WNK1: variants seen among roughly 807,000 people sequenced by gnomAD.
WNK1 encodes WNK lysine deficient protein kinase 1, also known as serine/threonine-protein kinase WNK1.
WNK1 carries 38 observed loss-of-function variants against 222.8 expected under a neutral mutation model. The observed-to-expected ratio is 0.17, with a 90% CI of 0.13 to 0.22. The LOEUF (loss-of-function observed/expected upper bound fraction) is 0.22. Among genes scored for constraint, WNK1 ranks in the 10% least tolerant of loss-of-function variants. The probability of loss-of-function intolerance (pLI) is 1.00; values close to 1 mark genes in which losing one functional copy is unlikely to be tolerated. For missense variants in WNK1, 2,348 were observed against 2,918.4 expected (o/e 0.80, Z 4.50); for synonymous variants, 1,090 against 1,092.9 (o/e 1.00, Z 0.05).
chr12:839,936 C>CA (rs1949492275), intron 4 of WNK1, among the ~76,000 whole-genome samples: 2 of 149,092 alleles, frequency 1.3e-5, no homozygotes, highest in Non-Finnish European at 3.0e-5. Context: ...CCATGTTGGC[C>CA]ATGCTGCTCT....
intron 6 of WNK1, among the ~76,000 whole-genome samples, chr12:860,582 T>C (rs1449275759): frequency 1.3e-5 from 2 of 152,222 alleles, no homozygotes; most frequent in Non-Finnish European, 2.9e-5. Context: ...AATCTTCATA[T>C]TCGTACCACA....
chr12:793,577 C>T (rs1404332433), intron 1 of WNK1, among the ~76,000 whole-genome samples: 1 of 152,160 alleles, frequency 6.6e-6, no homozygotes, highest in Non-Finnish European at 1.5e-5. Context: ...GGTTTTAGAA[C>T]TGTCTTCCCT....
In WNK1 at chr12:754,331, C is replaced by G; in HGVS notation, c.759+7C>G. The G allele has an allele frequency of 6.2e-7, 1 of 1,611,846 alleles. No individual in the cohort carries two copies. Among genetic ancestry groups the G allele is most frequent in the Non-Finnish European group, 8.5e-7 (1 of 1,179,758 alleles). ...CGCCTGGTGTGAACTGCAGGTAAAG[C>G]CCCACCTACTTTATTTGACGGTCCT... On this transcript the variant is annotated splice_region_variant and intron_variant, in intron 1 of 27. Transcript: ENST00000315939.
Position 753,960 on chromosome 12 carries a change from A to C in WNK1, c.395A>C (p.Gln132Pro). Residue 132 changes from glutamine to proline, a missense_variant, in exon 1 of 28, where the codon CAG (glutamine) becomes CCG (proline). Physicochemically the swap from Gln to Pro is moderately conservative, Grantham distance 76. This residue lies in a region of WNK1 where 185 missense variants were observed against 159.2 expected (regional missense o/e 1.16). Transcript: ENST00000315939. This position sits in a 1 kb window ranked among gnomAD's most constrained non-coding sequence, Gnocchi z 5.2. The part of the protein sequence containing the change: ...EETVTATATS[Q>P]VAQQPPAAAA... ...ACCGTGACCGCCACCGCCACTTCCC[A>C]GGTAGCCCAGCAGCCTCCAGCCGCT... 6.2e-7 allele frequency: 1 copy of C among 1,601,972 alleles called. No individual in the cohort carries two copies. Among genetic ancestry groups the C allele is most frequent in the Non-Finnish European group, 8.5e-7 (1 of 1,175,282 alleles).
At chr12:772,348 T>G (rs1290214136) in intron 1 of WNK1, among the ~76,000 whole-genome samples, 1 of 152,188 alleles carries the variant, frequency 6.6e-6, no homozygotes. Flanking sequence ...ATTTAAGATC[T>G]TGAGGTTTTT....
chr12:847,305 A>G (rs1396271284), intron 4 of WNK1, among the ~76,000 whole-genome samples: 3 of 152,200 alleles, frequency 2.0e-5, no homozygotes, highest in Non-Finnish European at 2.9e-5. Context: ...ATATACTGTA[A>G]ATAACCTAAA....
At chr12:869,789 A>G (rs1951983894) in intron 8 of WNK1, among the ~76,000 whole-genome samples, 1 of 152,000 alleles carries the variant, frequency 6.6e-6, no homozygotes, top group Non-Finnish European at 1.5e-5. Context: ...ATTTTTAGCA[A>G]CTAACAATCT....
rs76153366 is a variant in WNK1, at chr12:759,687, G to T, written c.759+5363G>T. Among the ~76,000 whole-genome samples, 5 of 147,558 alleles carry T rather than the reference G, an allele frequency of 3.4e-5. 1 individual carries two copies. Among genetic ancestry groups the T allele is most frequent in the Non-Finnish European group, 7.6e-5 (5 of 66,094 alleles). Reference sequence around the variant, plus strand: ...ATAGGTGAGACTTAGCATGACCTCAGTTTATGTTTGAAGAGGCCATTTTTC... The same window carrying T: ...ATAGGTGAGACTTAGCATGACCTCATTTTATGTTTGAAGAGGCCATTTTTC... On this transcript the variant is annotated intron_variant, in intron 1 of 27. Transcript: ENST00000315939.
chr12:843,992 T>C (rs1356109474), intron 4 of WNK1, among the ~76,000 whole-genome samples: 1 of 152,220 alleles, frequency 6.6e-6, no homozygotes, highest in Non-Finnish European at 1.5e-5. Context: ...AAATAAACTA[T>C]TGTTCAGTCA....
In WNK1 at chr12:871,939, T is replaced by C. The variant is rs1001127282; in HGVS notation, c.2223+591T>C. Among the ~76,000 whole-genome samples the C allele has an allele frequency of 9.2e-5, 14 of 152,174 alleles. No homozygotes were observed. The East Asian group carries it at 1.4e-3, about 15-fold the overall frequency. Reference sequence around the variant, plus strand: ...CATAATTTACGGTACAAAGAGTATGTCATTCCTTTTCTCTTTTTTTCCACT... The same window carrying C: ...CATAATTTACGGTACAAAGAGTATGCCATTCCTTTTCTCTTTTTTTCCACT... On this transcript the variant is annotated intron_variant, in intron 9 of 27. Transcript: ENST00000315939.
At position 881,768 on chromosome 12, in the gene WNK1, C is replaced by T. The variant is rs201379287; in HGVS notation, c.3188C>T (p.Thr1063Ile). ...VAQTQATQPTTLASSVDSAHS... is the reference protein window; with the variant it reads ...VAQTQATQPTILASSVDSAHS... ...CAGACCCAAGCTACCCAGCCGACCA[C>T]TTTGGCTTCCTCTGTAGACAGGTAC... The change falls in exon 13 of 28, where the codon ACT (threonine) becomes ATT (isoleucine). Residue 1063 changes from threonine to isoleucine, a missense_variant. Thr to Ile is a moderately conservative substitution (Grantham distance 89). Coordinates refer to ENST00000315939, the MANE Select transcript of WNK1 (RefSeq NM_018979.4). 411 of 1,614,106 alleles carry T rather than the reference C, an allele frequency of 2.5e-4. No individual in the cohort carries two copies. The highest frequency in any genetic ancestry group is 3.4e-4 in the Non-Finnish European group (399 of 1,180,034).
chr12:818,371 A>G lies in WNK1; in HGVS notation c.932+4557A>G, dbSNP rs1357302281. ...CTGCTCCCACCGCTGCCTCTGACCA[A>G]CTGTGATTTTGGGCAAATAGCTAAC... On this transcript the variant is annotated intron_variant, in intron 2 of 27. Transcript: ENST00000315939. Among the ~76,000 whole-genome samples the G allele has an allele frequency of 2.6e-5, 4 of 152,280 alleles. No homozygotes were observed. The South Asian group carries it at 6.2e-4, about 24-fold the overall frequency.
chr12:773,402 C>CT (rs1352948248), intron 1 of WNK1, among the ~76,000 whole-genome samples: 2 of 152,134 alleles, frequency 1.3e-5, no homozygotes, highest in Non-Finnish European at 2.9e-5. Flanking sequence ...TAAATCTACT[C>CT]TAGAGCATAC....
intron 20 of WNK1, among the ~76,000 whole-genome samples, chr12:888,918 G>A (rs1230072316): frequency 6.6e-6 from 1 of 152,170 alleles, no homozygotes; most frequent in Non-Finnish European, 1.5e-5. Flanking sequence ...GCAAAAACAT[G>A]AACTACTCTG....
chr12:754,791 G>A (rs1351320759), intron 1 of WNK1, among the ~76,000 whole-genome samples: 1 of 152,150 alleles, frequency 6.6e-6, no homozygotes, highest in Non-Finnish European at 1.5e-5. Context: ...TTTGCTTGAT[G>A]GTTGCACAGG....
intron 26 of WNK1, chr12:906,562 G>C: frequency 1.0e-6 from 1 of 985,314 alleles, no homozygotes; most frequent in Non-Finnish European, 1.2e-6. Flanking sequence ...ATGTCTTCCT[G>C]AAGTTGAAAG....
chr12:844,845 A>G (rs1196835507), intron 4 of WNK1, among the ~76,000 whole-genome samples: 1 of 150,352 alleles, frequency 6.7e-6, no homozygotes, highest in Non-Finnish European at 1.5e-5. Context: ...ATAAGCAATC[A>G]TGATGATTCT....
intron 20 of WNK1, among the ~76,000 whole-genome samples, chr12:888,855 C>A (rs544073391): frequency 3.8e-4 from 58 of 152,306 alleles, no homozygotes; most frequent in African/African-American, 1.4e-3. Flanking sequence ...ATAACTCTTT[C>A]TACCGTTTTG....
intron 1 of WNK1, among the ~76,000 whole-genome samples, chr12:777,871 G>C (rs186098422): frequency 1.7e-3 from 260 of 152,212 alleles, no homozygotes; most frequent in Non-Finnish European, 3.2e-3. Context: ...TTTGTTTGCT[G>C]TTCAGATATG....
Sources: gnomAD v4.1 joint callset for allele counts (sites outside exome capture counted in the v4.1 genomes callset) on GRCh38, gnomAD v4.1.1 for gene constraint, gnomAD v4.1.1 regional missense constraint, Gnocchi (gnomAD v3.1) non-coding constraint, MANE v1.5 for transcripts, NCBI Gene and HGNC (gene_info 2026-07-23, HGNC 2026-07-21) for gene names.